Variants in ZNF496 observed in about 807,000 individuals in gnomAD.
ZNF496 encodes NSD1 (nuclear receptor binding SET-domain containing 1)-interacting zinc finger protein 1.
Under a neutral mutation model 58.9 loss-of-function variants are expected in ZNF496, and 11 were observed. The ratio of observed to expected loss-of-function variants is 0.19; its 90% CI spans 0.12 to 0.31. The LOEUF (loss-of-function observed/expected upper bound fraction) is 0.31. ZNF496 is among the 10% of genes least tolerant of loss of function. The pLI is 1.00. For missense variants in ZNF496, 660 were observed against 783.0 expected, an observed-to-expected ratio of 0.84 and a Z score of 1.88; for synonymous variants, 338 against 318.2, an observed-to-expected ratio of 1.06 and a Z score of -0.66.
intron 9 of ZNF496, among the ~76,000 whole-genome samples, chr1:247,302,870 G>C (rs1040499385): frequency 1.3e-5 from 2 of 152,164 alleles, no homozygotes; most frequent in East Asian, 1.9e-4. Context: ...CCAGGCTGCC[G>C]ATGACAAGGT....
At chr1:247,310,980 C>T (rs1431165907) in intron 6 of ZNF496, 3 of 152,824 alleles carry the variant, frequency 2.0e-5, no homozygotes, top group Non-Finnish European at 4.4e-5. Flanking sequence ...CTCAAAAGTC[C>T]GGAGTCCAAC....
At position 247,310,433 on chromosome 1, in the gene ZNF496, G is replaced by C. The variant is rs1572077834; in HGVS notation, c.675C>G (p.Asp225Glu). The change falls in exon 7 of 10, where the codon GAC becomes GAG. Residue 225 changes from aspartate (D) to glutamate (E), a missense_variant. Transcript: ENST00000682384. ...LPPSRVSPFK[D>E]MILCFSEEDW... ...CCTCTTCAGAGAAGCATAAAATCAT[G>C]TCCTTGAATGGAGAAACCCGACTCT... is the stretch of plus-strand genomic sequence containing the variant. 1 of 1,614,180 alleles carries C rather than the reference G, an allele frequency of 6.2e-7. No homozygotes were observed. The highest frequency in any genetic ancestry group is 1.1e-5 in the South Asian group (1 of 91,088).
Position 247,301,230 on chromosome 1 carries a change from C to A in ZNF496, c.1053G>T (p.Val351=), listed in dbSNP as rs1659226062. The change falls in exon 10 of 10, where the codon GTG becomes GTT. Residue 351 remains valine, a synonymous_variant. Coordinates refer to ENST00000682384, the MANE Select transcript of ZNF496 (RefSeq NM_032752.3). The stretch of plus-strand genomic sequence containing the variant: ...AGCTGGAGAGAACGATCTCGATGGT[C>A]ACTTCTTCATCCAGGCTGTTCTCTA... ...RSLENSLDEE[V]TIEIVLSSSG... is the part of the protein sequence containing the mutation. The A allele has an allele frequency of 6.5e-7, 1 of 1,536,512 alleles. No individual in the cohort carries two copies. The highest frequency in any genetic ancestry group is 1.3e-5 in the South Asian group (1 of 78,386).
intron 6 of ZNF496, among the ~76,000 whole-genome samples, chr1:247,317,169 ACTCT>A (rs1238763311): frequency 6.6e-6 from 1 of 152,094 alleles, no homozygotes; most frequent in East Asian, 1.9e-4. Flanking sequence ...AGCACAGGAG[ACTCT>A]GAAAGGTGGA....
Position 247,331,575 on chromosome 1 carries a change from T to A in ZNF496, c.-297A>T, listed in dbSNP as rs1203309665. The stretch of plus-strand genomic sequence containing the variant: ...GGTCTCCGCAGGCGCCCGGCTCCTT[T>A]CCCGGCCCGTCCAGACCGCGTCTCC... On this transcript the variant is annotated 5_prime_UTR_variant, in exon 2 of 10. Coordinates refer to ENST00000682384, the MANE Select transcript of ZNF496 (RefSeq NM_032752.3). 1.3e-5 allele frequency: 2 copies of A among 152,002 alleles called. No homozygotes were observed. Among genetic ancestry groups the A allele is most frequent in the Non-Finnish European group, 2.9e-5 (2 of 68,024 alleles). 9.4% of individuals were successfully genotyped at this position (152,002 alleles called of 1,614,324 possible). A position where few individuals can be genotyped will look rare whatever the true frequency, so the allele number is the denominator to read the frequency against.
At chr1:247,311,978 T>A (rs1659618081) in intron 6 of ZNF496, 1 of 152,280 alleles carries the variant, frequency 6.6e-6, no homozygotes, top group Non-Finnish European at 1.5e-5. Flanking sequence ...TGATGATTTC[T>A]GAATTGCCTT....
chr1:247,307,343 G>A, intron 9 of ZNF496: 2 of 985,440 alleles, frequency 2.0e-6, no homozygotes, highest in Non-Finnish European at 2.4e-6. Flanking sequence ...AGCAGTCTGT[G>A]TCAGAGTCCA....
chr1:247,306,550 C>T (rs528771933), intron 9 of ZNF496, among the ~76,000 whole-genome samples: 4 of 142,112 alleles, frequency 2.8e-5, no homozygotes, highest in South Asian at 5.0e-4. Context: ...GCTCTGTTGT[C>T]CAGACTGGAG....
rs1433658734 is a variant in ZNF496 at position 247,329,915 on chromosome 1, C to T, written c.-38+51G>A. The T allele has an allele frequency of 1.2e-5, 3 of 254,116 alleles. No individual in the cohort carries two copies. Among genetic ancestry groups the T allele is most frequent in the Non-Finnish European group, 2.2e-5 (3 of 135,564 alleles). The allele number at this position is 254,116 out of a possible 1,614,324, so 15.7% of individuals were successfully genotyped here. On this transcript the variant is annotated intron_variant, in intron 3 of 9. Transcript: ENST00000682384. The surrounding 1 kb of genome is among the most constrained non-coding windows in gnomAD (Gnocchi z 5.5). ...AACGTGACACTGCTGTTTTGAGCAT[C>T]CCAGGAAACCAACAGCGCCACATGC...
rs1572067219 is a variant in ZNF496, at chr1:247,301,087, A to C, written c.1196T>G (p.Val399Gly). The C allele has an allele frequency of 6.2e-7, 1 of 1,613,632 alleles. No homozygotes were observed. The highest frequency in any genetic ancestry group is 8.5e-7 in the Non-Finnish European group (1 of 1,180,018). The change falls in exon 10 of 10, where the codon GTG becomes GGG. Residue 399 changes from valine (V) to glycine (G), a missense_variant. Transcript: ENST00000682384. ...CACGTAGGACTTCTTGGAGGTCTGC[A>C]CCTCGCCTCCGGCCTCGGTGCTGCT... ...HRSSTEAGGE[V>G]QTSKKSYVCP...
Position 247,329,726 on chromosome 1 carries a change from A to T in ZNF496, c.-37-111T>A, listed in dbSNP as rs1660256058. The T allele has an allele frequency of 9.4e-7, 1 of 1,067,708 alleles. No individual in the cohort carries two copies. Among genetic ancestry groups the T allele is most frequent in the Non-Finnish European group, 1.3e-6 (1 of 757,902 alleles). The allele number at this position is 1,067,708 out of a possible 1,614,324, so 66.1% of individuals were successfully genotyped here. A position where few individuals can be genotyped will look rare whatever the true frequency, so the allele number is the denominator to read the frequency against. On this transcript the variant is annotated intron_variant, in intron 3 of 9. Coordinates refer to ENST00000682384, the MANE Select transcript of ZNF496 (RefSeq NM_032752.3). The surrounding 1 kb of genome is among the most constrained non-coding windows in gnomAD (Gnocchi z 5.5). Reference sequence around the variant, plus strand: ...CCCTCAGAGACCAGCCCTTTGGAGAAGCCCTGGGAAAGGTAGGGAGTGTTG... The same window carrying T: ...CCCTCAGAGACCAGCCCTTTGGAGATGCCCTGGGAAAGGTAGGGAGTGTTG...
chr1:247,315,111 G>A (rs534109196), intron 6 of ZNF496, among the ~76,000 whole-genome samples: 1 of 148,390 alleles, frequency 6.7e-6, no homozygotes, highest in Admixed American at 6.7e-5. Context: ...GAGGGCAGAG[G>A]GCACTTAAAG....
chr1:247,306,516 T>TC (rs1659417720), intron 9 of ZNF496, among the ~76,000 whole-genome samples: 2 of 147,602 alleles, frequency 1.4e-5, no homozygotes, highest in East Asian at 4.0e-4. Flanking sequence ...TTCTTTTTCT[T>TC]TTTTTTTTTG....
At chr1:247,310,723 C>CT in intron 6 of ZNF496, 1 of 396,226 alleles carries the variant, frequency 2.5e-6, no homozygotes, top group African/African-American at 2.0e-5. Context: ...TCTGGGGCCT[C>CT]TTTTAGGAGG....
rs1659509567 is a variant in ZNF496 at position 247,309,105 on chromosome 1, C to G, written c.893-517G>C. The stretch of plus-strand genomic sequence containing the variant: ...TCCCAAAGGGGAAGAAGGTGTGGAG[C>G]TGCTGATGATTCTGTACAAAGCTAT... On this transcript the variant is annotated intron_variant, in intron 8 of 9. Transcript: ENST00000682384. This position sits in a 1 kb window ranked among gnomAD's most constrained non-coding sequence, Gnocchi z 4.3. 1 of 169,542 alleles carries G rather than the reference C, an allele frequency of 5.9e-6. No individual in the cohort carries two copies. The highest frequency in any genetic ancestry group is 2.4e-5 in the African/African-American group (1 of 41,644). The allele number at this position is 169,542 out of a possible 1,614,324, so 10.5% of individuals were successfully genotyped here.
In ZNF496 at chr1:247,329,475, A is replaced by G. The variant is rs1230692458; in HGVS notation, c.104T>C (p.Leu35Pro). ...PGENPSPQGE[L>P]PSPESSRRLF... Reference sequence around the variant, plus strand: ...ACGCCGAGAGGACTCGGGGCTGGGAAGCTCCCCCTGGGGGCTAGGGTTCTC... The same window carrying G: ...ACGCCGAGAGGACTCGGGGCTGGGAGGCTCCCCCTGGGGGCTAGGGTTCTC... The change falls in exon 4 of 10, where the codon CTT (leucine) becomes CCT (proline). Residue 35 changes from leucine to proline, a missense_variant. Transcript: ENST00000682384. The surrounding 1 kb of genome is among the most constrained non-coding windows in gnomAD (Gnocchi z 5.5). The G allele has an allele frequency of 2.5e-6, 4 of 1,608,760 alleles. No homozygotes were observed. The highest frequency in any genetic ancestry group is 3.4e-6 in the Non-Finnish European group (4 of 1,177,948).
In ZNF496 at chr1:247,329,876, A is replaced by G; in HGVS notation, c.-38+90T>C. ...GAACAAGACAGGAAATCTGGGAGAAAGTGGTGGCATTTCAACGTGACACTG... is the reference window on the plus strand; with the variant it reads ...GAACAAGACAGGAAATCTGGGAGAAGGTGGTGGCATTTCAACGTGACACTG... On this transcript the variant is annotated intron_variant, in intron 3 of 9. Coordinates refer to ENST00000682384, the MANE Select transcript of ZNF496 (RefSeq NM_032752.3). This position sits in a 1 kb window ranked among gnomAD's most constrained non-coding sequence, Gnocchi z 5.5. 2.9e-6 allele frequency: 1 copy of G among 344,788 alleles called. No homozygotes were observed. The highest frequency in any genetic ancestry group is 5.2e-6 in the Non-Finnish European group (1 of 192,206). The allele number at this position is 344,788 out of a possible 1,614,324, so 21.4% of individuals were successfully genotyped here.
chr1:247,309,954 C>A lies in ZNF496; in HGVS notation c.785-148G>T, dbSNP rs1000562964. The A allele has an allele frequency of 3.0e-6, 4 of 1,318,430 alleles. No individual in the cohort carries two copies. Among genetic ancestry groups the A allele is most frequent in the Admixed American group, 5.2e-5 (2 of 38,800 alleles). The allele number at this position is 1,318,430 out of a possible 1,614,324, so 81.7% of individuals were successfully genotyped here. On this transcript the variant is annotated intron_variant, in intron 7 of 9. Coordinates refer to ENST00000682384, the MANE Select transcript of ZNF496 (RefSeq NM_032752.3). The surrounding 1 kb of genome is among the most constrained non-coding windows in gnomAD (Gnocchi z 4.3). The stretch of plus-strand genomic sequence containing the variant: ...AGTGAAAAGGCCAGAGCTGGCAGTG[C>A]AGGGGCAGTGGGGGCAGCACACGCA...
intron 6 of ZNF496, among the ~76,000 whole-genome samples, chr1:247,321,155 G>A (rs931414898): frequency 4.6e-5 from 7 of 151,868 alleles, no homozygotes; most frequent in Admixed American, 1.3e-4. Flanking sequence ...CAGCCTGGGC[G>A]ACAGAGCAAG....
Sources: allele counts gnomAD v4.1 joint callset (sites outside exome capture counted in the v4.1 genomes callset), GRCh38; gene constraint gnomAD v4.1.1; non-coding constraint Gnocchi (gnomAD v3.1); transcripts MANE v1.5; gene names NCBI Gene and HGNC (gene_info 2026-07-23, HGNC 2026-07-21).